Variants in KAZN observed in about 807,000 individuals in gnomAD.
KAZN encodes the protein kazrin, periplakin interacting protein, also known as kazrin.
KAZN carries 40 observed loss-of-function variants against 87.4 expected under a neutral mutation model. That is an observed-to-expected ratio of 0.46 (90% CI 0.36 to 0.60). The LOEUF (loss-of-function observed/expected upper bound fraction) is 0.60, where lower values mean the gene tolerates loss of function less well. Ranked by LOEUF, KAZN falls within the 20% of genes least tolerant of loss-of-function variation. The pLI, the probability that KAZN is intolerant of heterozygous loss-of-function variation, is 0.00. For missense variants in KAZN, 898 were observed against 1,073.9 expected, an observed-to-expected ratio of 0.84 and a Z score of 2.29; for synonymous variants, 466 against 458.3, an observed-to-expected ratio of 1.02 and a Z score of -0.22.
intron 1 of KAZN, among the ~76,000 whole-genome samples, chr1:14,626,633 G>A (rs1679161598): frequency 6.6e-6 from 1 of 152,130 alleles, no homozygotes; most frequent in Non-Finnish European, 1.5e-5. Flanking sequence ...GTTTCTCTGT[G>A]TGATTCTGCT....
At chr1:14,191,067 T>C (rs533647883) in intron 2 of KAZN, among the ~76,000 whole-genome samples, 1 of 152,270 alleles carries the variant, frequency 6.6e-6, no homozygotes, top group African/African-American at 2.4e-5. Flanking sequence ...ATGTGCCCCC[T>C]GGTTTTACAC....
At chr1:14,651,688 G>A (rs1369935411) in intron 1 of KAZN, among the ~76,000 whole-genome samples, 1 of 152,156 alleles carries the variant, frequency 6.6e-6, no homozygotes. Flanking sequence ...TTTTGACTGG[G>A]GCTTTTTTCC....
intron 1 of KAZN, among the ~76,000 whole-genome samples, chr1:14,757,929 C>A (rs78982446): frequency 0.024 from 3,723 of 152,122 alleles, 74 homozygotes; most frequent in South Asian, 0.078. Flanking sequence ...GGGAGGAATA[C>A]GTTTTGGTTA....
chr1:14,106,924 C>T (rs985056540), intron 1 of KAZN, among the ~76,000 whole-genome samples: 1 of 150,220 alleles, frequency 6.7e-6, no homozygotes, highest in South Asian at 2.2e-4. Context: ...TACACTCAAC[C>T]ACCCTTTCCC....
chr1:14,438,086 CCCTAAAGCCA>C (rs1666501800), intron 2 of KAZN, among the ~76,000 whole-genome samples: 1 of 124,894 alleles, frequency 8.0e-6, no homozygotes, highest in Admixed American at 7.8e-5. Context: ...AAAGTTATTT[CCCTAAAGCCA>C]AAAAAAAAAA....
rs187340336 is a variant in KAZN, at chr1:14,737,650, A to G, written c.226+138427A>G. ...TCTGCTCAGGGACTCACGGGGCAGAAATCAGGTGCTGGCTGAGCTGCATTT... is the reference window on the plus strand; with the variant it reads ...TCTGCTCAGGGACTCACGGGGCAGAGATCAGGTGCTGGCTGAGCTGCATTT... On this transcript the variant is annotated intron_variant, in intron 1 of 14. Transcript: ENST00000376030. 4.0e-3 allele frequency among the ~76,000 whole-genome samples: 606 copies of G among 152,340 alleles called. 7 individuals are homozygous for G. The highest frequency in any genetic ancestry group is 0.014 in the African/African-American group (578 of 41,580).
chr1:15,080,889 C>A (rs1310914175), intron 8 of KAZN, among the ~76,000 whole-genome samples: 2 of 152,218 alleles, frequency 1.3e-5, no homozygotes, highest in Non-Finnish European at 2.9e-5. Flanking sequence ...TGCTCCCCAG[C>A]AGCTTGTGGT....
chr1:14,695,208 G>T (rs991153548), intron 1 of KAZN, among the ~76,000 whole-genome samples: 2 of 152,056 alleles, frequency 1.3e-5, no homozygotes, highest in East Asian at 3.9e-4. Context: ...GCAATCAATC[G>T]ATACCTCCAC....
At position 14,037,523 on chromosome 1, in the gene KAZN, C is replaced by A. The variant is rs148167567; in HGVS notation, c.92-142912C>A. Among the ~76,000 whole-genome samples the A allele has an allele frequency of 9.5e-3, 1,453 of 152,296 alleles. 76 individuals carry two copies. Among genetic ancestry groups the A allele is most frequent in the Admixed American group, 0.085 (1,294 of 15,288 alleles). ...GGAGGAATAGGGACCAAATTTAGAACCCTGAGTCCTGATGTGCACAGCCCA... is the reference window on the plus strand; with the variant it reads ...GGAGGAATAGGGACCAAATTTAGAAACCTGAGTCCTGATGTGCACAGCCCA... On this transcript the variant is annotated intron_variant, in intron 1 of 16. Transcript: ENST00000636203.
intron 1 of KAZN, among the ~76,000 whole-genome samples, chr1:14,931,809 A>G (rs1464211365): frequency 6.6e-6 from 1 of 152,176 alleles, no homozygotes; most frequent in African/African-American, 2.4e-5. Flanking sequence ...CACAGGCACG[A>G]TCAGGGCACG....
chr1:14,165,779 G>A (rs1645812202), intron 1 of KAZN, among the ~76,000 whole-genome samples: 1 of 152,166 alleles, frequency 6.6e-6, no homozygotes, highest in Non-Finnish European at 1.5e-5. Flanking sequence ...TCTGACTACA[G>A]TGTTCAAATA....
At chr1:14,593,349 G>T (rs1028048830) in intron 2 of KAZN, among the ~76,000 whole-genome samples, 4 of 152,172 alleles carry the variant, frequency 2.6e-5, no homozygotes, top group African/African-American at 7.2e-5. Context: ...CACCAGACAG[G>T]GGGAGCAGAA....
At chr1:14,490,493 G>T (rs897136274) in intron 2 of KAZN, among the ~76,000 whole-genome samples, 9 of 151,862 alleles carry the variant, frequency 5.9e-5, no homozygotes, top group Admixed American at 3.3e-4. Context: ...TTTTTGGTTT[G>T]TTTGTTTGTT....
intron 2 of KAZN, among the ~76,000 whole-genome samples, chr1:14,266,111 G>C (rs1651454216): frequency 6.6e-6 from 1 of 152,152 alleles, no homozygotes; most frequent in Non-Finnish European, 1.5e-5. Flanking sequence ...TGGATAGGTG[G>C]GTGGGTAGAG....
chr1:15,062,185 T>C (rs1315149939), intron 6 of KAZN: 1 of 152,264 alleles, frequency 6.6e-6, no homozygotes, highest in Non-Finnish European at 1.5e-5. Context: ...AGTCCTAGTC[T>C]TTTGCCCACC....
intron 2 of KAZN, among the ~76,000 whole-genome samples, chr1:15,006,793 A>G (rs1332115339): frequency 2.0e-5 from 3 of 152,118 alleles, no homozygotes; most frequent in Non-Finnish European, 4.4e-5. Flanking sequence ...GCGGTGGCTC[A>G]CGCCTGTAAT....
intron 1 of KAZN, among the ~76,000 whole-genome samples, chr1:14,630,165 G>A (rs1288462912): frequency 6.6e-6 from 1 of 152,116 alleles, no homozygotes; most frequent in East Asian, 1.9e-4. Context: ...TCAGAGAAGG[G>A]GAAATGAATA....
intron 2 of KAZN, among the ~76,000 whole-genome samples, chr1:14,392,812 G>T (rs1171971001): frequency 6.6e-6 from 1 of 152,172 alleles, no homozygotes; most frequent in East Asian, 1.9e-4. Flanking sequence ...GTGGAATCAA[G>T]AGTCCTGTTT....
chr1:13,931,504 A>G (rs1411468217), intron 1 of KAZN, among the ~76,000 whole-genome samples: 3 of 151,880 alleles, frequency 2.0e-5, no homozygotes, highest in Non-Finnish European at 2.9e-5. Flanking sequence ...GTGTGCATAG[A>G]CACATGCTTT....
Sources: allele counts gnomAD v4.1 joint callset (sites outside exome capture counted in the v4.1 genomes callset), GRCh38; gene constraint gnomAD v4.1.1; transcripts MANE v1.5; gene names NCBI Gene and HGNC (gene_info 2026-07-23, HGNC 2026-07-21).